The following DLGAP1 variants were observed in gnomAD, a reference collection of about 807,000 sequenced individuals.
DLGAP1 encodes the protein DLG associated protein 1.
Under a neutral mutation model 90.8 loss-of-function variants are expected in DLGAP1, and 11 were observed. That is an observed-to-expected ratio of 0.12 (90% CI 0.08 to 0.20). The LOEUF (loss-of-function observed/expected upper bound fraction) is 0.20. DLGAP1 is among the 10% of genes least tolerant of loss of function. DLGAP1 has a pLI of 1.00. For missense variants in DLGAP1, 1,050 were observed against 1,333.8 expected (o/e 0.79, Z 3.31); for synonymous variants, 558 against 540.7 (o/e 1.03, Z -0.44).
intron 2 of DLGAP1, among the ~76,000 whole-genome samples, chr18:4,030,992 G>C (rs143998306): frequency 1.3e-5 from 2 of 152,056 alleles, no homozygotes; most frequent in African/African-American, 4.8e-5. Context: ...CCAGCCCATC[G>C]CCACTGGACC....
chr18:3,713,449 T>C (rs1254507358), intron 7 of DLGAP1, among the ~76,000 whole-genome samples: 1 of 152,160 alleles, frequency 6.6e-6, no homozygotes, highest in Non-Finnish European at 1.5e-5. Context: ...TTTGTGCATG[T>C]GGGGGAGGCT....
At chr18:4,025,845 C>T (rs2074690670) in intron 2 of DLGAP1, among the ~76,000 whole-genome samples, 1 of 151,940 alleles carries the variant, frequency 6.6e-6, no homozygotes, top group African/African-American at 2.4e-5. Flanking sequence ...TTTTTAAAAG[C>T]CAAGTGAATA....
intron 3 of DLGAP1, among the ~76,000 whole-genome samples, chr18:3,934,398 T>G (rs529529863): frequency 6.6e-6 from 1 of 152,202 alleles, no homozygotes; most frequent in East Asian, 1.9e-4. Flanking sequence ...ATTCCTCCAC[T>G]CACTCAACAA....
chr18:3,768,644 T>C (rs1428417086), intron 5 of DLGAP1, among the ~76,000 whole-genome samples: 1 of 151,990 alleles, frequency 6.6e-6, no homozygotes, highest in Non-Finnish European at 1.5e-5. Context: ...GCCCAAAACC[T>C]CCCTAACTGA....
intron 5 of DLGAP1, among the ~76,000 whole-genome samples, chr18:3,797,975 C>G (rs1308618592): frequency 6.6e-6 from 1 of 152,070 alleles, no homozygotes; most frequent in Admixed American, 6.6e-5. Context: ...AAGGGGAAAC[C>G]CCTATCGCTT....
intron 7 of DLGAP1, among the ~76,000 whole-genome samples, chr18:3,659,805 C>A (rs931824232): frequency 6.6e-6 from 1 of 152,170 alleles, no homozygotes; most frequent in Non-Finnish European, 1.5e-5. Context: ...ACCTCATGAT[C>A]CGCCTGCCTC....
intron 1 of DLGAP1, among the ~76,000 whole-genome samples, chr18:4,262,557 G>A (rs916275404): frequency 6.6e-6 from 1 of 152,112 alleles, no homozygotes; most frequent in Non-Finnish European, 1.5e-5. Context: ...CAAGGAAATA[G>A]GAATAAAACT....
intron 1 of DLGAP1, among the ~76,000 whole-genome samples, chr18:4,217,251 ATTTTT>A (rs1222392090): frequency 6.6e-6 from 1 of 152,008 alleles, no homozygotes; most frequent in Non-Finnish European, 1.5e-5. Flanking sequence ...ACTTCACTCT[ATTTTT>A]GTACCACAGT....
intron 7 of DLGAP1, among the ~76,000 whole-genome samples, chr18:3,601,043 GATATAGATAGATATATAGATATATAGAT>G (rs1338359767): frequency 2.7e-5 from 4 of 145,722 alleles, no homozygotes; most frequent in African/African-American, 7.6e-5. Flanking sequence ...TAGAGATAAA[GATATAGATAGATATATAGATATATAGAT>G]ATATAGATAG....
chr18:4,298,514 A>G (rs1403433891), intron 1 of DLGAP1, among the ~76,000 whole-genome samples: 1 of 152,142 alleles, frequency 6.6e-6, no homozygotes, highest in Non-Finnish European at 1.5e-5. Context: ...TCAGTAAACT[A>G]TCGCAAGAAC....
chr18:4,322,943 GAAAAA>G (rs60113288), intron 1 of DLGAP1, among the ~76,000 whole-genome samples: 20 of 97,616 alleles, frequency 2.0e-4, no homozygotes, highest in South Asian at 1.2e-3. Context: ...CCTGGGCACA[GAAAAA>G]AAAAAAAAAA....
chr18:3,520,647 G>A (rs556889820), intron 10 of DLGAP1, among the ~76,000 whole-genome samples: 70 of 152,258 alleles, frequency 4.6e-4, no homozygotes, highest in African/African-American at 1.6e-3. Flanking sequence ...CAAGGAGAGC[G>A]ACCTGAGGGG....
intron 2 of DLGAP1, among the ~76,000 whole-genome samples, chr18:4,041,639 T>C (rs1057477948): frequency 6.6e-6 from 1 of 152,188 alleles, no homozygotes; most frequent in Non-Finnish European, 1.5e-5. Flanking sequence ...CTTCCACTCA[T>C]ACAACTTTCC....
At chr18:3,885,394 G>T (rs934457785) in intron 3 of DLGAP1, 2 of 152,162 alleles carry the variant, frequency 1.3e-5, no homozygotes, top group Non-Finnish European at 2.9e-5. Context: ...TATATTGTGA[G>T]AGCCATGTCA....
intron 4 of DLGAP1, among the ~76,000 whole-genome samples, chr18:3,825,251 T>C (rs2067647740): frequency 6.6e-6 from 1 of 152,236 alleles, no homozygotes; most frequent in Non-Finnish European, 1.5e-5. Context: ...AGTTAAAAGT[T>C]CCACTTCTTC....
At chr18:3,815,813 C>T (rs2067076625) in intron 4 of DLGAP1, among the ~76,000 whole-genome samples, 1 of 151,956 alleles carries the variant, frequency 6.6e-6, no homozygotes, top group Non-Finnish European at 1.5e-5. Flanking sequence ...ACATAGCAAA[C>T]ATACTATAGT....
At chr18:4,375,605 C>A (rs1161430108) in intron 1 of DLGAP1, among the ~76,000 whole-genome samples, 1 of 152,032 alleles carries the variant, frequency 6.6e-6, no homozygotes, top group African/African-American at 2.4e-5. Context: ...ACCAGAGCCT[C>A]CTAGATTGAT....
At chr18:3,514,512 A>G (rs966507745) in intron 10 of DLGAP1, among the ~76,000 whole-genome samples, 23 of 152,110 alleles carry the variant, frequency 1.5e-4, no homozygotes. Flanking sequence ...TGCCACCTAC[A>G]CTATAATTCA....
At position 3,714,662 on chromosome 18, in the gene DLGAP1, T is replaced by C. The variant is rs1347403769; in HGVS notation, c.1591+14473A>G. Among the ~76,000 whole-genome samples, 8 of 145,558 alleles carry C rather than the reference T, an allele frequency of 5.5e-5. No individual in the cohort carries two copies. The East Asian group carries it at 1.6e-3, about 28-fold the overall frequency. ...TGGTTTTTTTTTTTTTTTTTTTTTT[T>C]TTAGAGGGAGTCTCGCTCTGTCATG... is the stretch of plus-strand genomic sequence containing the variant. On this transcript the variant is annotated intron_variant, in intron 7 of 12. Transcript: ENST00000315677.
Sources: gnomAD v4.1 joint callset for allele counts (sites outside exome capture counted in the v4.1 genomes callset) on GRCh38, gnomAD v4.1.1 for gene constraint, MANE v1.5 for transcripts, NCBI Gene and HGNC (gene_info 2026-07-23, HGNC 2026-07-21) for gene names.